Variants in MRPL27 observed in about 807,000 individuals in gnomAD.
MRPL27 encodes the protein large ribosomal subunit protein bL27m.
In MRPL27, 4 loss-of-function variants were observed where a neutral mutation model predicts 14.6. The ratio of observed to expected loss-of-function variants is 0.27; its 90% CI spans 0.14 to 0.63. The LOEUF (loss-of-function observed/expected upper bound fraction) is 0.63, where lower values mean the gene tolerates loss of function less well. Among genes scored for constraint, MRPL27 ranks in the 20% least tolerant of loss-of-function variants. The pLI, the probability that MRPL27 is intolerant of heterozygous loss-of-function variation, is 0.85. For synonymous variants in MRPL27, 82 were observed against 75.5 expected, an observed-to-expected ratio of 1.09 and a Z score of -0.45; for missense variants, 196 against 192.8, an observed-to-expected ratio of 1.02 and a Z score of -0.10.
intron 1 of MRPL27, 89 bp downstream of exon 1, chr17:50,373,042 G>A (rs1295571051): frequency 6.4e-6 from 10 of 1,572,624 alleles, no homozygotes; most frequent in Admixed American, 1.8e-5. Context: ...AAGGTCCTCC[G>A]CGGGGATCAG....
At chr17:50,372,255 T>TTTG (rs1491336012) in intron 1 of MRPL27, among the ~76,000 whole-genome samples, 1 of 120,538 alleles carries the variant, frequency 8.3e-6, no homozygotes, top group African/African-American at 3.0e-5. Flanking sequence ...CTTTTTTTTT[T>TTTG]GGGGGGGGGG....
In MRPL27 at chr17:50,368,185, G is replaced by C. The variant is rs754962426; in HGVS notation, c.354C>G (p.Thr118=). ...PRNTEAVDLI[T]RLPKGAVLYK... is the part of the protein sequence containing the mutation. ...AGAGCACAGCACCCTTGGGCAGCCTGGTGATCAGATCCACAGCCTCCGTGT... is the reference window on the plus strand; with the variant it reads ...AGAGCACAGCACCCTTGGGCAGCCTCGTGATCAGATCCACAGCCTCCGTGT... Residue 118 remains threonine, a synonymous_variant, in exon 4 of 4, where the codon ACC becomes ACG. Transcript: ENST00000225969. 4 of 1,614,208 alleles carry C rather than the reference G, an allele frequency of 2.5e-6. No homozygotes were observed. In the South Asian group the frequency reaches 4.4e-5, roughly 18 times the overall value.
chr17:50,370,103 G>C lies in MRPL27; in HGVS notation c.173-4C>G, dbSNP rs971414725. The C allele has an allele frequency of 6.8e-6, 11 of 1,609,134 alleles. No individual in the cohort carries two copies. The highest frequency in any genetic ancestry group is 2.2e-5 in the East Asian group (1 of 44,814). ...TTCCCAGCATGAACATAGTGACCTA[G>C]AAGAGAAGTCCACAGTGACTGGGGC... On this transcript the variant is annotated splice_polypyrimidine_tract_variant and splice_region_variant and intron_variant, in intron 2 of 3. Transcript: ENST00000225969.
chr17:50,370,105 A>T lies in MRPL27; in HGVS notation c.173-6T>A, dbSNP rs760336441. On this transcript the variant is annotated splice_polypyrimidine_tract_variant and splice_region_variant and intron_variant, in intron 2 of 3. Coordinates refer to ENST00000225969, the MANE Select transcript of MRPL27 (RefSeq NM_016504.3). ...CCCAGCATGAACATAGTGACCTAGA[A>T]GAGAAGTCCACAGTGACTGGGGCAG... The T allele has an allele frequency of 6.2e-7, 1 of 1,608,696 alleles. No homozygotes were observed. The highest frequency in any genetic ancestry group is 2.2e-5 in the East Asian group (1 of 44,818).
At chr17:50,371,532 G>T (rs1231257460) in intron 1 of MRPL27, among the ~76,000 whole-genome samples, 1 of 152,216 alleles carries the variant, frequency 6.6e-6, no homozygotes, top group Non-Finnish European at 1.5e-5. Context: ...GTAGTCCCTT[G>T]CTGTATGACA....
chr17:50,370,317 C>A, intron 2 of MRPL27, 138 bp downstream of exon 2: 1 of 1,419,890 alleles, frequency 7.0e-7, no homozygotes, highest in Non-Finnish European at 9.7e-7. Flanking sequence ...TTCCTCAGGT[C>A]TTATCCGTTC....
At chr17:50,368,955 A>C in intron 3 of MRPL27, 1 of 685,012 alleles carries the variant, frequency 1.5e-6, no homozygotes. Flanking sequence ...TTCTTTTAGA[A>C]CTTCAGGCTG....
At position 50,370,439 on chromosome 17, in the gene MRPL27, C is replaced by G. The variant is rs756681233; in HGVS notation, c.172+16G>C. The G allele has an allele frequency of 6.2e-6, 10 of 1,614,108 alleles. No homozygotes were observed. The highest frequency in any genetic ancestry group is 8.5e-6 in the Non-Finnish European group (10 of 1,180,004). On this transcript the variant is annotated intron_variant, in intron 2 of 3. Transcript: ENST00000225969. ...CAGGGTGCAGCTAGGAAGGGGAAGC[C>G]AAGGCACATCCTCACCTTCCATTTT...
rs573682183 is a variant in MRPL27, at chr17:50,370,672, G to A, written c.41-86C>T. 4.9e-5 allele frequency: 77 copies of A among 1,572,462 alleles called. No individual in the cohort carries two copies. The African/African-American group carries it at 5.9e-4, about 12-fold the overall frequency. Reference sequence around the variant, plus strand: ...GGCCACATGCTGATACGTGAGAGGCGGTGGGGAGATGAGAAAGCTGTGTCA... The same window carrying A: ...GGCCACATGCTGATACGTGAGAGGCAGTGGGGAGATGAGAAAGCTGTGTCA... On this transcript the variant is annotated intron_variant, in intron 1 of 3. Transcript: ENST00000225969.
intron 1 of MRPL27, among the ~76,000 whole-genome samples, chr17:50,372,571 T>C (rs979864215): frequency 5.9e-5 from 9 of 152,146 alleles, no homozygotes; most frequent in Non-Finnish European, 1.3e-4. Context: ...TTAAATGTTA[T>C]CTCCTCAGAA....
At chr17:50,370,756 C>A in intron 1 of MRPL27, 170 bp from the exon 2 acceptor site, 37 of 612,006 alleles carry the variant, frequency 6.0e-5, no homozygotes, top group Non-Finnish European at 8.7e-5. Context: ...AAGTCCTTGG[C>A]TTTCTCCTTT....
In MRPL27 at chr17:50,368,298, C is replaced by T; in HGVS notation, c.241G>A (p.Val81Met). The T allele has an allele frequency of 6.2e-7, 1 of 1,604,016 alleles. No homozygotes were observed. Among genetic ancestry groups the T allele is most frequent in the Non-Finnish European group, 8.5e-7 (1 of 1,176,966 alleles). Residue 81 changes from valine (V) to methionine (M), a missense_variant and splice_region_variant, in exon 4 of 4, where the codon GTG (valine) becomes ATG (methionine). Val to Met is a conservative substitution (Grantham distance 21). Transcript: ENST00000225969. ...RHFRWHPGAHVGVGKNKCLYA... is the reference protein window; with the variant it reads ...RHFRWHPGAHMGVGKNKCLYA... ...AGACATTTATTCTTCCCAACACCCA[C>T]CTGCAACACACAGACCTGGTCAGCT...
Position 50,368,251 on chromosome 17 carries a change from T to G in MRPL27, c.288A>C (p.Ile96=), listed in dbSNP as rs147309329. The change falls in exon 4 of 4, where the codon ATA becomes ATC. Residue 96 remains isoleucine, a synonymous_variant. Coordinates refer to ENST00000225969, the MANE Select transcript of MRPL27 (RefSeq NM_016504.3). ...NKCLYALEEG[I]VRYTKEVYVP... is the part of the protein sequence containing the mutation. ...CGTAGACCTCCTTAGTGTAGCGGAC[T>G]ATCCCCTCTTCCAGGGCATACAGAC... The G allele has an allele frequency of 1.7e-3, 2,790 of 1,614,224 alleles. 41 individuals carry two copies. In the African/African-American group the frequency reaches 0.032, roughly 19 times the overall value.
rs201524116 is a variant in MRPL27, at chr17:50,373,155, A to C, written c.16T>G (p.Leu6Val). ...CCGGCTGTCCGGGTCCTCAGCGCCAACACCACCGACGCCATGCTTTCGATC... is the reference window on the plus strand; with the variant it reads ...CCGGCTGTCCGGGTCCTCAGCGCCACCACCACCGACGCCATGCTTTCGATC... The part of the protein sequence containing the change: MASVV[L>V]ALRTRTAVTS... Residue 6 changes from leucine to valine, a missense_variant, in exon 1 of 4, where the codon TTG (leucine) becomes GTG (valine). By Grantham distance (32) the Leu-to-Val change is conservative (BLOSUM62 1). Transcript: ENST00000225969. 58 of 1,614,082 alleles carry C rather than the reference A, an allele frequency of 3.6e-5. No individual in the cohort carries two copies. In the South Asian group the frequency reaches 4.1e-4, roughly 11 times the overall value.
rs764221894 is a variant in MRPL27, at chr17:50,369,950, T to G, written c.240+82A>C. On this transcript the variant is annotated intron_variant, in intron 3 of 3. Coordinates refer to ENST00000225969, the MANE Select transcript of MRPL27 (RefSeq NM_016504.3). ...TGCCATTTGGTAAGCACTCAATACA[T>G]GCAACTGTTATTACCATGCTTAGGG... The G allele has an allele frequency of 4.1e-6, 6 of 1,468,606 alleles. No individual in the cohort carries two copies. The Admixed American group carries it at 6.9e-5, about 17-fold the overall frequency. The allele number at this position is 1,468,606 out of a possible 1,614,324, so 91.0% of individuals were successfully genotyped here. A position where few individuals can be genotyped will look rare whatever the true frequency, so the allele number is the denominator to read the frequency against.
chr17:50,368,141 A>G lies in MRPL27; in HGVS notation c.398T>C (p.Val133Ala). The G allele has an allele frequency of 6.2e-7, 1 of 1,614,210 alleles. No individual in the cohort carries two copies. The highest frequency in any genetic ancestry group is 8.5e-7 in the Non-Finnish European group (1 of 1,180,022). ...GAVLYKTFVH[V>A]VPAKPEGTFK... is the part of the protein sequence containing the mutation. ...GGTGCCCTCAGGCTTGGCAGGAACCACGTGGACAAAAGTCTTGTAGAGCAC... is the reference window on the plus strand; with the variant it reads ...GGTGCCCTCAGGCTTGGCAGGAACCGCGTGGACAAAAGTCTTGTAGAGCAC... The change falls in exon 4 of 4, where the codon GTG becomes GCG. Residue 133 changes from valine to alanine, a missense_variant. Val to Ala is a moderately conservative substitution (Grantham distance 64). Transcript: ENST00000225969.
intron 3 of MRPL27, chr17:50,369,086 G>T: frequency 1.9e-6 from 1 of 527,708 alleles, no homozygotes; most frequent in Non-Finnish European, 3.3e-6. Flanking sequence ...ACTCCTGTGT[G>T]GTCTTAGGCA....
chr17:50,368,526 C>G (rs1230437482), intron 3 of MRPL27: 1 of 603,474 alleles, frequency 1.7e-6, no homozygotes, highest in Non-Finnish European at 2.9e-6. Context: ...ACATGGGCCA[C>G]TGCTCAGTCC....
chr17:50,368,222 G>A lies in MRPL27; in HGVS notation c.317C>T (p.Pro106Leu). ...CACAGCCTCCGTGTTTCTGGGATGA[G>A]GCACGTAGACCTCCTTAGTGTAGCG... ...IVRYTKEVYV[P>L]HPRNTEAVDL... The change falls in exon 4 of 4, where the codon CCT becomes CTT. Residue 106 changes from proline to leucine, a missense_variant. Physicochemically the swap from Pro to Leu is moderately conservative, Grantham distance 98 (BLOSUM62 -3). Transcript: ENST00000225969. The A allele has an allele frequency of 1.2e-6, 2 of 1,614,226 alleles. No homozygotes were observed.
Sources: gnomAD v4.1 joint callset for allele counts (sites outside exome capture counted in the v4.1 genomes callset) on GRCh38, gnomAD v4.1.1 for gene constraint, MANE v1.5 for transcripts, NCBI Gene and HGNC (gene_info 2026-07-23, HGNC 2026-07-21) for gene names.